CLIC1: variants seen among roughly 807,000 people sequenced by gnomAD.
CLIC1 encodes the protein chloride intracellular channel protein 1.
CLIC1 carries 16 observed loss-of-function variants against 26.4 expected under a neutral mutation model. That is an observed-to-expected ratio of 0.61 (90% CI 0.41 to 0.92). The LOEUF (loss-of-function observed/expected upper bound fraction) is 0.92. Among genes scored for constraint, CLIC1 ranks in the 40% least tolerant of loss-of-function variants. The probability of loss-of-function intolerance (pLI) is 0.00; values close to 1 mark genes in which losing one functional copy is unlikely to be tolerated. For synonymous variants in CLIC1, 98 were observed against 120.8 expected, an observed-to-expected ratio of 0.81 and a Z score of 1.24; for missense variants, 225 against 289.7, an observed-to-expected ratio of 0.78 and a Z score of 1.62.
At chr6:31,735,015 G>T (rs1412646631) in intron 1 of CLIC1, among the ~76,000 whole-genome samples, 1 of 151,928 alleles carries the variant, frequency 6.6e-6, no homozygotes, top group African/African-American at 2.4e-5. Context: ...CTGCGGCACA[G>T]CCTCACCCAC....
chr6:31,736,750 C>T, upstream of CLIC1: 2 of 1,008,376 alleles, frequency 2.0e-6, no homozygotes, highest in Non-Finnish European at 2.4e-6. The surrounding 1 kb of genome is among the most constrained non-coding windows in gnomAD (Gnocchi z 5.0). Flanking sequence ...CTTCATTAAT[C>T]TGAGTACAAC....
chr6:31,733,929 C>A lies in CLIC1; in HGVS notation c.182G>T (p.Gly61Val), dbSNP rs770422089. ...ATACAGCAGGAATGGGAGCTGCCCC[C>A]CTGGGCACAGCTTCTGCACTGTCTC... Residue 61 changes from glycine to valine, a missense_variant, in exon 3 of 6, where the codon GGG becomes GTG. Coordinates refer to ENST00000375784, the Ensembl canonical transcript of CLIC1. The surrounding 1 kb of genome is among the most constrained non-coding windows in gnomAD (Gnocchi z 5.4). The A allele has an allele frequency of 6.2e-6, 10 of 1,614,010 alleles. No homozygotes were observed. In the Admixed American group the frequency reaches 1.2e-4, roughly 19 times the overall value.
chr6:31,736,261 C>A lies in CLIC1; in HGVS notation c.39+1G>T. 1.2e-6 allele frequency: 2 copies of A among 1,612,822 alleles called. No homozygotes were observed. The highest frequency in any genetic ancestry group is 1.7e-6 in the Non-Finnish European group (2 of 1,179,924). ...GTGGCTGAGGAGAGAAGTGTTCTTA[C>A]CTTCACGAACAATTCGACCTGCGGT... On this transcript the variant is annotated splice_donor_variant, in intron 1 of 5. Transcript: ENST00000375784. LOFTEE classifies it high-confidence loss of function. This position sits in a 1 kb window ranked among gnomAD's most constrained non-coding sequence, Gnocchi z 5.0.
At position 31,733,642 on chromosome 6, in the gene CLIC1, C is replaced by T; in HGVS notation, c.306G>A (p.Glu102=). The stretch of plus-strand genomic sequence containing the variant: ...ATATGTCCAGCCCAGCTGTGTTGGA[C>T]TCAGGGTTCAGAGCTGCCAGCTTGG... Residue 102 remains glutamate (E), a synonymous_variant, in exon 4 of 6, where the codon GAG becomes GAA. Transcript: ENST00000375784. The surrounding 1 kb of genome is among the most constrained non-coding windows in gnomAD (Gnocchi z 5.4). 2 of 1,613,088 alleles carry T rather than the reference C, an allele frequency of 1.2e-6. No homozygotes were observed. The highest frequency in any genetic ancestry group is 1.7e-6 in the Non-Finnish European group (2 of 1,180,032).
At position 31,733,978 on chromosome 6, in the gene CLIC1, G is replaced by A; in HGVS notation, c.150-17C>T. 6.2e-7 allele frequency: 1 copy of A among 1,610,560 alleles called. No homozygotes were observed. Among genetic ancestry groups the A allele is most frequent in the Non-Finnish European group, 8.5e-7 (1 of 1,177,816 alleles). On this transcript the variant is annotated splice_polypyrimidine_tract_variant and intron_variant, in intron 2 of 5. Coordinates refer to ENST00000375784, the Ensembl canonical transcript of CLIC1. The surrounding 1 kb of genome is among the most constrained non-coding windows in gnomAD (Gnocchi z 5.4). Reference sequence around the variant, plus strand: ...TCGGTCCGCCTGGAGAAAGGATCAGGAATCAGGACTGGAAATGGGGGTCAG... The same window carrying A: ...TCGGTCCGCCTGGAGAAAGGATCAGAAATCAGGACTGGAAATGGGGGTCAG...
Position 31,736,309 on chromosome 6 carries a change from C to T in CLIC1, c.-9G>A. The T allele has an allele frequency of 6.2e-7, 1 of 1,612,820 alleles. No homozygotes were observed. Among genetic ancestry groups the T allele is most frequent in the Non-Finnish European group, 8.5e-7 (1 of 1,179,976 alleles). On this transcript the variant is annotated 5_prime_UTR_variant, in exon 1 of 6. Coordinates refer to ENST00000375784, the Ensembl canonical transcript of CLIC1. This position sits in a 1 kb window ranked among gnomAD's most constrained non-coding sequence, Gnocchi z 5.0. ...GGTTGTTCTTCAGCCATGGTTGCGT[C>T]GGGGACCAGGAAGTGGCCGTCCCTG...
At chr6:31,731,054 C>T in intron 5 of CLIC1, 51 bp from the exon 6 acceptor site, 2 of 1,553,348 alleles carry the variant, frequency 1.3e-6, no homozygotes, top group African/African-American at 1.4e-5. Flanking sequence ...AGGGAAGCCA[C>T]CTTGGCTTTC....
At chr6:31,731,952 T>C (rs1201769549) in intron 5 of CLIC1, among the ~76,000 whole-genome samples, 1 of 152,200 alleles carries the variant, frequency 6.6e-6, no homozygotes, top group Non-Finnish European at 1.5e-5. Context: ...AGAGCATTCT[T>C]CAAAAGTAAT....
intron 1 of CLIC1, among the ~76,000 whole-genome samples, chr6:31,735,283 G>A (rs1444625310): frequency 6.6e-6 from 1 of 151,786 alleles, no homozygotes; most frequent in Non-Finnish European, 1.5e-5. Flanking sequence ...CAAACGGAGC[G>A]GGGAGAAGAG....
At position 31,732,578 on chromosome 6, in the gene CLIC1, C is replaced by A. The variant is rs1357403209; in HGVS notation, c.383-180G>T. Among the ~76,000 whole-genome samples the A allele has an allele frequency of 6.6e-6, 1 of 152,096 alleles. No individual in the cohort carries two copies. Among genetic ancestry groups the A allele is most frequent in the Non-Finnish European group, 1.5e-5 (1 of 68,018 alleles). On this transcript the variant is annotated intron_variant, in intron 4 of 5. Transcript: ENST00000375784. The surrounding 1 kb of genome is among the most constrained non-coding windows in gnomAD (Gnocchi z 5.0). ...TTATTTTATGTTAGACGGAGTCTTG[C>A]TCCGTTGCCCAGGCTGGAGTGCAGT...
At position 31,732,418 on chromosome 6, in the gene CLIC1, G is replaced by C; in HGVS notation, c.383-20C>G. ...CCAGATCTGTGCAAGAGAGGGAACT[G>C]ATTAGAACTTCAGGAAAAGATTGAC... On this transcript the variant is annotated intron_variant, in intron 4 of 5. Coordinates refer to ENST00000375784, the Ensembl canonical transcript of CLIC1. The surrounding 1 kb of genome is among the most constrained non-coding windows in gnomAD (Gnocchi z 5.0). 1 of 1,421,850 alleles carries C rather than the reference G, an allele frequency of 7.0e-7. No homozygotes were observed. Among genetic ancestry groups the C allele is most frequent in the Non-Finnish European group, 9.2e-7 (1 of 1,082,314 alleles). 88.1% of individuals were successfully genotyped at this position (1,421,850 alleles called of 1,614,324 possible).
rs770984729 is a variant in CLIC1, at chr6:31,732,226, G to C, written c.555C>G (p.His185Gln). Residue 185 changes from histidine (H) to glutamine (Q), a missense_variant, in exon 5 of 6, where the codon CAC (histidine) becomes CAG (glutamine). By Grantham distance (24) the His-to-Gln change is conservative. Coordinates refer to ENST00000375784, the Ensembl canonical transcript of CLIC1. This position sits in a 1 kb window ranked among gnomAD's most constrained non-coding sequence, Gnocchi z 5.0. ...CGCAATAACCACACACCTGTACTAT[G>C]TGTAACTTTGGCAACAGGTTGCAGT... 2 of 1,556,738 alleles carry C rather than the reference G, an allele frequency of 1.3e-6. No homozygotes were observed. The highest frequency in any genetic ancestry group is 4.8e-5 in the East Asian group (2 of 41,642).
rs1258510623 is a variant in CLIC1 at position 31,732,614 on chromosome 6, C to T, written c.383-216G>A. Reference sequence around the variant, plus strand: ...AGGCTGGAGTGCAGTGGCATGATCCCGGCTCACTGCAACCTCTGCCTCCTA... The same window carrying T: ...AGGCTGGAGTGCAGTGGCATGATCCTGGCTCACTGCAACCTCTGCCTCCTA... On this transcript the variant is annotated intron_variant, in intron 4 of 5. Coordinates refer to ENST00000375784, the Ensembl canonical transcript of CLIC1. This position sits in a 1 kb window ranked among gnomAD's most constrained non-coding sequence, Gnocchi z 5.0. Among the ~76,000 whole-genome samples the T allele has an allele frequency of 6.6e-6, 1 of 151,978 alleles. No individual in the cohort carries two copies. Among genetic ancestry groups the T allele is most frequent in the African/African-American group, 2.4e-5 (1 of 41,394 alleles).
chr6:31,734,638 G>A lies in CLIC1; in HGVS notation c.40-375C>T, dbSNP rs1808212922. Among the ~76,000 whole-genome samples, 1 of 152,208 alleles carries A rather than the reference G, an allele frequency of 6.6e-6. No homozygotes were observed. The highest frequency in any genetic ancestry group is 2.1e-4 in the South Asian group (1 of 4,832). On this transcript the variant is annotated intron_variant, in intron 1 of 5. Coordinates refer to ENST00000375784, the Ensembl canonical transcript of CLIC1. This position sits in a 1 kb window ranked among gnomAD's most constrained non-coding sequence, Gnocchi z 5.3. ...CTGAAGGGAGTAGAGTCTGAAGACA[G>A]GAGAGGTGGGTGGGGTTTGGGAGCC...
rs375247469 is a variant in CLIC1, at chr6:31,736,310, G to A, written c.-10C>T. The A allele has an allele frequency of 5.0e-6, 8 of 1,612,850 alleles. No homozygotes were observed. The highest frequency in any genetic ancestry group is 1.1e-5 in the South Asian group (1 of 91,068). The stretch of plus-strand genomic sequence containing the variant: ...GTTGTTCTTCAGCCATGGTTGCGTC[G>A]GGGACCAGGAAGTGGCCGTCCCTGG... On this transcript the variant is annotated 5_prime_UTR_variant, in exon 1 of 6. Transcript: ENST00000375784. The surrounding 1 kb of genome is among the most constrained non-coding windows in gnomAD (Gnocchi z 5.0).
Position 31,732,149 on chromosome 6 carries a change from A to G in CLIC1, c.564+68T>C. The G allele has an allele frequency of 7.9e-7, 1 of 1,263,370 alleles. No homozygotes were observed. Among genetic ancestry groups the G allele is most frequent in the South Asian group, 2.4e-5 (1 of 42,062 alleles). The allele number at this position is 1,263,370 out of a possible 1,614,324, so 78.3% of individuals were successfully genotyped here. ...CGTCTTTAGAGTGGTTGTCAGGGGA[A>G]GCCCATGTGGGAGCTCCTTAAAGGG... On this transcript the variant is annotated intron_variant, in intron 5 of 5. Coordinates refer to ENST00000375784, the Ensembl canonical transcript of CLIC1. The surrounding 1 kb of genome is among the most constrained non-coding windows in gnomAD (Gnocchi z 5.0).
chr6:31,730,881 G>A lies in CLIC1; in HGVS notation c.687C>T (p.Ile229=), dbSNP rs1438842649. 1 of 1,613,084 alleles carries A rather than the reference G, an allele frequency of 6.2e-7. No homozygotes were observed. The highest frequency in any genetic ancestry group is 8.5e-7 in the Non-Finnish European group (1 of 1,180,038). The change falls in exon 6 of 6, where the codon ATC becomes ATT. Residue 229 remains isoleucine, a synonymous_variant. Transcript: ENST00000375784. The surrounding 1 kb of genome is among the most constrained non-coding windows in gnomAD (Gnocchi z 5.1). ...TTGCCACTTGCTCATAGGCGAGCTCGATCTCCTCATCATCTGGACAGGTGG... is the reference window on the plus strand; with the variant it reads ...TTGCCACTTGCTCATAGGCGAGCTCAATCTCCTCATCATCTGGACAGGTGG...
In CLIC1 at chr6:31,736,140, T is replaced by TGCAC. The variant is rs1808313862; in HGVS notation, c.39+118_39+121dup. 1.0e-6 allele frequency: 1 copy of TGCAC among 974,574 alleles called. No individual in the cohort carries two copies. Among genetic ancestry groups the TGCAC allele is most frequent in the Non-Finnish European group, 1.6e-6 (1 of 610,604 alleles). 60.4% of individuals were successfully genotyped at this position (974,574 alleles called of 1,614,324 possible). A position where few individuals can be genotyped will look rare whatever the true frequency, so the allele number is the denominator to read the frequency against. ...TCAAAACCACCCCTCAACCAAAGAGTGCACGTGGGATTGGGGGTGGGAGTC... is the reference window on the plus strand; with the variant it reads ...TCAAAACCACCCCTCAACCAAAGAGTGCACGCACGTGGGATTGGGGGTGGGAGTC... On this transcript the variant is annotated intron_variant, in intron 1 of 5. Coordinates refer to ENST00000375784, the Ensembl canonical transcript of CLIC1. The surrounding 1 kb of genome is among the most constrained non-coding windows in gnomAD (Gnocchi z 5.0).
At chr6:31,736,573 G>A (rs1476729800), upstream of CLIC1, 1 of 1,339,502 alleles carries the variant, frequency 7.5e-7, no homozygotes, top group Non-Finnish European at 9.6e-7. The surrounding 1 kb of genome is among the most constrained non-coding windows in gnomAD (Gnocchi z 5.0). Flanking sequence ...ACCTGGGGAG[G>A]GGACTGGAGG....
Sources: gnomAD v4.1 joint callset for allele counts (sites outside exome capture counted in the v4.1 genomes callset) on GRCh38, gnomAD v4.1.1 for gene constraint, Gnocchi (gnomAD v3.1) non-coding constraint, MANE v1.5 for transcripts, NCBI Gene and HGNC (gene_info 2026-07-23, HGNC 2026-07-21) for gene names.